Variants in DST observed in about 807,000 individuals in gnomAD.
DST encodes the protein dystonin.
In DST, 253 loss-of-function variants were observed where a neutral mutation model predicts 875.2. That is an observed-to-expected ratio of 0.29 (90% CI 0.26 to 0.32). The LOEUF is 0.32. Ranked by LOEUF, DST falls within the 10% of genes least tolerant of loss-of-function variation. DST has a pLI of 1.00. For missense variants in DST, 8,287 were observed against 9,111.6 expected (o/e 0.91, Z 3.68); for synonymous variants, 3,124 against 3,197.1 (o/e 0.98, Z 0.77).
intron 61 of DST, among the ~76,000 whole-genome samples, chr6:56,546,366 ATATATATATATATATATATATAT>A (rs1232992056): frequency 5.2e-5 from 7 of 133,482 alleles, no homozygotes; most frequent in African/African-American, 1.9e-4. Context: ...ATATATATAT[ATATATATATATATATATATATAT>A]AAATGTCAAA....
intron 51 of DST, 95 bp downstream of exon 51, chr6:56,573,584 G>A: frequency 1.1e-6 from 1 of 890,700 alleles, no homozygotes; most frequent in East Asian, 2.5e-5. Context: ...TCTTTTTTGT[G>A]TCCTTAAGTT....
chr6:56,927,751 AG>A (rs1003888424), intron 2 of DST, among the ~76,000 whole-genome samples: 2 of 152,248 alleles, frequency 1.3e-5, no homozygotes, highest in African/African-American at 4.8e-5. Context: ...TGAGTCATTC[AG>A]GATTGGGTCC....
chr6:56,645,253 A>T (rs1386228617), intron 15 of DST, among the ~76,000 whole-genome samples: 1 of 152,236 alleles, frequency 6.6e-6, no homozygotes, highest in Non-Finnish European at 1.5e-5. Context: ...TAAGACTGTA[A>T]GGGAGACAAA....
intron 94 of DST, chr6:56,471,724 G>A (rs906482080): frequency 2.6e-6 from 1 of 389,520 alleles, no homozygotes; most frequent in African/African-American, 2.1e-5. Flanking sequence ...ACAATCAAAA[G>A]ATCTGAAATA....
chr6:56,552,639 C>T lies in DST; in HGVS notation c.16153G>A (p.Gly5385Arg). Residue 5385 changes from glycine (G) to arginine (R), a missense_variant, in exon 61 of 104, where the codon GGG becomes AGG. By Grantham distance (125) the Gly-to-Arg change is moderately radical. Transcript: ENST00000680361. ...TCTCGAATGGTATTCTGGAAATGCC[C>T]AATGCCCTGAAGCTTGGTTTCTAAG... ...SFLETKLQGI[G>R]HFQNTIREMF... The T allele has an allele frequency of 6.2e-7, 1 of 1,613,942 alleles. No individual in the cohort carries two copies. Among genetic ancestry groups the T allele is most frequent in the Non-Finnish European group, 8.5e-7 (1 of 1,179,880 alleles).
intron 3 of DST, among the ~76,000 whole-genome samples, chr6:56,875,174 C>T (rs1261938087): frequency 6.6e-6 from 1 of 152,046 alleles, no homozygotes; most frequent in African/African-American, 2.4e-5. Flanking sequence ...TTAATAGAGA[C>T]GGGGTTTCAC....
intron 4 of DST, among the ~76,000 whole-genome samples, chr6:56,842,033 G>A (rs927882461): frequency 1.3e-5 from 2 of 152,108 alleles, no homozygotes; most frequent in African/African-American, 4.8e-5. Context: ...GAAAACAATT[G>A]TGAGTGTATT....
intron 2 of DST, chr6:56,945,686 A>C (rs1819058815): frequency 2.0e-5 from 3 of 152,200 alleles, no homozygotes; most frequent in Admixed American, 2.0e-4. Context: ...AGTAAAATCT[A>C]AATAAGCAAA....
chr6:56,470,514 GA>G (rs1384499257), intron 95 of DST, among the ~76,000 whole-genome samples: 1 of 151,886 alleles, frequency 6.6e-6, no homozygotes, highest in African/African-American at 2.4e-5. Flanking sequence ...TTTTTAGGTT[GA>G]AAATGTTTAA....
At chr6:56,669,608 A>AAG (rs1178418808) in intron 10 of DST, among the ~76,000 whole-genome samples, 4 of 152,040 alleles carry the variant, frequency 2.6e-5, no homozygotes, top group African/African-American at 9.6e-5. Flanking sequence ...AAAAAAAAAA[A>AAG]AAGAAAAAGT....
At chr6:56,535,812 C>T (rs2096985542) in intron 62 of DST, among the ~76,000 whole-genome samples, 1 of 152,150 alleles carries the variant, frequency 6.6e-6, no homozygotes, top group South Asian at 2.1e-4. Flanking sequence ...ACAAACCAGG[C>T]CCTTTGTCTA....
At chr6:56,628,312 AG>A (rs1587093663) in intron 32 of DST, 151 bp from the exon 33 acceptor site, 1 of 678,942 alleles carries the variant, frequency 1.5e-6, no homozygotes, top group East Asian at 2.7e-5. Context: ...CAGCACCCTG[AG>A]GCACACCCCC....
chr6:56,913,759 G>A (rs1349275539), intron 2 of DST, among the ~76,000 whole-genome samples: 2 of 152,156 alleles, frequency 1.3e-5, no homozygotes, highest in Admixed American at 1.3e-4. Flanking sequence ...TATAAGGTCA[G>A]CCTAATTTCC....
chr6:56,516,589 G>C (rs148649972), intron 71 of DST, among the ~76,000 whole-genome samples: 2,514 of 152,144 alleles, frequency 0.017, 63 homozygotes, highest in African/African-American at 0.057. Flanking sequence ...CCATGCATGG[G>C]ATATCTTTCC....
At chr6:56,550,986 C>A (rs1369828266) in intron 61 of DST, among the ~76,000 whole-genome samples, 1 of 152,124 alleles carries the variant, frequency 6.6e-6, no homozygotes, top group African/African-American at 2.4e-5. Context: ...TGAAGGAGGT[C>A]AAGTCAACAA....
intron 72 of DST, among the ~76,000 whole-genome samples, chr6:56,513,577 T>A (rs1028473456): frequency 6.6e-6 from 1 of 152,110 alleles, no homozygotes; most frequent in East Asian, 1.9e-4. Context: ...TTGGTCAGGC[T>A]GGTCTCAAAC....
chr6:56,604,277 GC>G lies in DST; in HGVS notation c.10350del (p.Lys3450AsnfsTer15). ...LKSELLLNIL[K>X]QDQHSQKITG... ...GTAATTTTTTGGCTATGTTGATCTTGCTTCAATATATTAAGGAGAAGCTCAG... is the reference window on the plus strand; with the variant it reads ...GTAATTTTTTGGCTATGTTGATCTTGTTCAATATATTAAGGAGAAGCTCAG... On this transcript the variant is annotated frameshift_variant, in exon 40 of 104. Coordinates refer to ENST00000680361, the MANE Select transcript of DST (RefSeq NM_001374736.1). LOFTEE classifies it high-confidence loss of function. The G allele has an allele frequency of 1.2e-6, 2 of 1,611,888 alleles. No individual in the cohort carries two copies. Among genetic ancestry groups the G allele is most frequent in the Non-Finnish European group, 1.7e-6 (2 of 1,178,898 alleles).
chr6:56,676,448 G>A (rs115889172), intron 9 of DST, among the ~76,000 whole-genome samples: 180 of 152,156 alleles, frequency 1.2e-3, no homozygotes, highest in African/African-American at 4.1e-3. Context: ...AAACCATTAT[G>A]GAAAACAGTA....
At chr6:56,542,322 C>A (rs1181977065) in intron 61 of DST, among the ~76,000 whole-genome samples, 1 of 146,624 alleles carries the variant, frequency 6.8e-6, no homozygotes, top group Non-Finnish European at 1.5e-5. Flanking sequence ...TTCAGAACTA[C>A]TCAAAGGAAG....
Sources: allele counts gnomAD v4.1 joint callset (sites outside exome capture counted in the v4.1 genomes callset), GRCh38; gene constraint gnomAD v4.1.1; transcripts MANE v1.5; gene names NCBI Gene and HGNC (gene_info 2026-07-23, HGNC 2026-07-21).